The following ADCY7 variants were observed in gnomAD, a reference collection of about 807,000 sequenced individuals.
ADCY7 encodes adenylate cyclase 7.
Under a neutral mutation model 120.6 loss-of-function variants are expected in ADCY7, and 72 were observed. That is an observed-to-expected ratio of 0.60 (90% CI 0.49 to 0.73). The LOEUF is 0.73. Ranked by LOEUF, ADCY7 falls within the 30% of genes least tolerant of loss-of-function variation. The pLI, the probability that ADCY7 is intolerant of heterozygous loss-of-function variation, is 0.00. For synonymous variants in ADCY7, 661 were observed against 628.0 expected, an observed-to-expected ratio of 1.05 and a Z score of -0.78; for missense variants, 1,227 against 1,486.0, an observed-to-expected ratio of 0.83 and a Z score of 2.87.
chr16:50,256,526 G>A (rs1280589598), intron 1 of ADCY7, among the ~76,000 whole-genome samples: 1 of 152,008 alleles, frequency 6.6e-6, no homozygotes. Context: ...AACATAGGGA[G>A]AACCCATCTC....
chr16:50,316,381 G>A lies in ADCY7; in HGVS notation c.*876G>A, dbSNP rs561788535. ...GAGAGGTGCTTTGAAAGTAAGGTGCGGCCTTTCACCTCTTCCTTGATTACT... is the reference window on the plus strand; with the variant it reads ...GAGAGGTGCTTTGAAAGTAAGGTGCAGCCTTTCACCTCTTCCTTGATTACT... On this transcript the variant is annotated 3_prime_UTR_variant, in exon 26 of 26. Transcript: ENST00000673801. The A allele has an allele frequency of 6.6e-6, 1 of 152,408 alleles. No individual in the cohort carries two copies. The highest frequency in any genetic ancestry group is 2.1e-4 in the South Asian group (1 of 4,822). 9.4% of individuals were successfully genotyped at this position (152,408 alleles called of 1,614,324 possible). A position where few individuals can be genotyped will look rare whatever the true frequency, so the allele number is the denominator to read the frequency against.
rs981119709 is a variant in ADCY7 at position 50,290,346 on chromosome 16, C to T, written c.172-111C>T. 4.2e-5 allele frequency: 51 copies of T among 1,203,630 alleles called. No homozygotes were observed. The Admixed American group carries it at 5.7e-4, about 13-fold the overall frequency. 74.6% of individuals were successfully genotyped at this position (1,203,630 alleles called of 1,614,324 possible). A position where few individuals can be genotyped will look rare whatever the true frequency, so the allele number is the denominator to read the frequency against. On this transcript the variant is annotated intron_variant, in intron 2 of 25. Coordinates refer to ENST00000673801, the MANE Select transcript of ADCY7 (RefSeq NM_001114.5). ...CAGGTGTGGGAGGGTGCATCCACACCCTTCACGTGGAGGAAGCTGTAAGTG... is the reference window on the plus strand; with the variant it reads ...CAGGTGTGGGAGGGTGCATCCACACTCTTCACGTGGAGGAAGCTGTAAGTG...
At chr16:50,295,631 C>A (rs938858014) in intron 7 of ADCY7, among the ~76,000 whole-genome samples, 4 of 151,958 alleles carry the variant, frequency 2.6e-5, no homozygotes, top group Non-Finnish European at 4.4e-5. Flanking sequence ...GCTCAGTGTG[C>A]GTGTGAGGTG....
At chr16:50,263,954 C>T (rs767193164), upstream of ADCY7, among the ~76,000 whole-genome samples, 1 of 152,192 alleles carries the variant, frequency 6.6e-6, no homozygotes, top group East Asian at 1.9e-4. Context: ...CATACGCAAA[C>T]GGGTATCCCT....
intron 1 of ADCY7, among the ~76,000 whole-genome samples, chr16:50,246,428 C>CGT (rs2032589111): frequency 6.6e-6 from 1 of 151,956 alleles, no homozygotes; most frequent in Non-Finnish European, 1.5e-5. Flanking sequence ...CGACCTCCTC[C>CGT]CTTAGGCACG....
chr16:50,264,426 C>T (rs933362687), upstream of ADCY7, among the ~76,000 whole-genome samples: 3 of 152,234 alleles, frequency 2.0e-5, no homozygotes, highest in Non-Finnish European at 4.4e-5. Context: ...CTTCTCTGAA[C>T]ACTTGGATAG....
rs150446281 is a variant in ADCY7, at chr16:50,312,066, T to A, written c.2479T>A (p.Trp827Arg). The part of the protein sequence containing the change: ...IDYYCRLDCL[W>R]KKKFKKEHEE... ...CTATTACTGCCGCTTGGACTGCCTA[T>A]GGAAGAAGAAGTTCAAGAAGGAGCA... The change falls in exon 21 of 26, where the codon TGG (tryptophan) becomes AGG (arginine). Residue 827 changes from tryptophan to arginine, a missense_variant. This residue lies in a region of ADCY7 where 267 missense variants were observed against 270.0 expected (regional missense o/e 0.99). Transcript: ENST00000673801. 3 of 1,614,102 alleles carry A rather than the reference T, an allele frequency of 1.9e-6. No homozygotes were observed. In the African/African-American group the frequency reaches 4.0e-5, roughly 22 times the overall value.
upstream of ADCY7, among the ~76,000 whole-genome samples, chr16:50,263,970 C>A (rs893469144): frequency 1.3e-5 from 2 of 152,160 alleles, no homozygotes; most frequent in Non-Finnish European, 2.9e-5. Context: ...TCCCTCAATA[C>A]CCATTTAAAA....
At chr16:50,283,647 A>C (rs2034412034) in intron 1 of ADCY7, among the ~76,000 whole-genome samples, 1 of 152,166 alleles carries the variant, frequency 6.6e-6, no homozygotes, top group Admixed American at 6.5e-5. Context: ...CCTCTTCTTT[A>C]AAATGGGGCT....
rs1017546691 is a variant in ADCY7, at chr16:50,300,882, G to A, written c.1235+9G>A. 2 of 1,554,176 alleles carry A rather than the reference G, an allele frequency of 1.3e-6. No homozygotes were observed. The highest frequency in any genetic ancestry group is 2.4e-5 in the South Asian group (2 of 84,306). ...GCAGCCGGAGTACCCGGGTGAGGCTGGGCTGGGTAGCCGCAGGGACAGAGG... is the reference window on the plus strand; with the variant it reads ...GCAGCCGGAGTACCCGGGTGAGGCTAGGCTGGGTAGCCGCAGGGACAGAGG... On this transcript the variant is annotated intron_variant, in intron 9 of 25. Transcript: ENST00000673801.
chr16:50,275,777 C>T (rs536455875), intron 1 of ADCY7, among the ~76,000 whole-genome samples: 109 of 152,272 alleles, frequency 7.2e-4, no homozygotes, highest in African/African-American at 2.6e-3. Flanking sequence ...TGGAGAGGGG[C>T]AGGCCTGGGT....
Position 50,288,201 on chromosome 16 carries a change from TTCC to T in ADCY7, c.25_27del (p.Leu9del), listed in dbSNP as rs764318741. Reference sequence around the variant, plus strand: ...GAGGATGCCAGCCAAGGGGCGCTACTTCCTCAACGAGGGCGAGGAGGGCCCTGA... The same window carrying T: ...GAGGATGCCAGCCAAGGGGCGCTACTTCAACGAGGGCGAGGAGGGCCCTGA... On this transcript the variant is annotated inframe_deletion, in exon 2 of 26. Transcript: ENST00000673801. The T allele has an allele frequency of 3.2e-6, 5 of 1,550,764 alleles. No homozygotes were observed. The highest frequency in any genetic ancestry group is 4.4e-6 in the Non-Finnish European group (5 of 1,146,634).
chr16:50,287,019 AT>A (rs71138057), intron 1 of ADCY7, among the ~76,000 whole-genome samples: 90,938 of 144,216 alleles, frequency 0.63, 28,937 homozygotes, highest in Middle Eastern at 0.72. Flanking sequence ...TGGGTATTTG[AT>A]TTTTTTTTTT....
rs1449819056 is a variant in ADCY7, at chr16:50,257,339, TAGAG to T, written c.-64+11141_-64+11144del. ...GGGGCAGGGGTGGGATGGGGAGAGA[TAGAG>T]AGAGGTCAGTCAAAGGATACAAAGT... On this transcript the variant is annotated intron_variant, in intron 1 of 4. Coordinates refer to the ADCY7 transcript ENST00000564044. Among the ~76,000 whole-genome samples the T allele has an allele frequency of 2.6e-5, 4 of 152,010 alleles. No homozygotes were observed. In the East Asian group the frequency reaches 5.8e-4, roughly 22 times the overall value.
chr16:50,313,858 C>A, intron 22 of ADCY7, 100 bp from the exon 23 acceptor site: 1 of 904,492 alleles, frequency 1.1e-6, no homozygotes, highest in Non-Finnish European at 1.8e-6. Context: ...CGAGAGGCGG[C>A]GATGGGTGGA....
chr16:50,273,198 A>C (rs1289370561), intron 1 of ADCY7, among the ~76,000 whole-genome samples: 1 of 152,032 alleles, frequency 6.6e-6, no homozygotes, highest in Non-Finnish European at 1.5e-5. Flanking sequence ...GCCCCTGAGA[A>C]CTGGTATTGT....
intron 1 of ADCY7, among the ~76,000 whole-genome samples, chr16:50,247,608 G>C (rs866134417): frequency 7.1e-6 from 1 of 139,992 alleles, no homozygotes; most frequent in Non-Finnish European, 1.5e-5. Context: ...TTGAACTCCC[G>C]GGCTCAAGTG....
chr16:50,295,345 A>ATTTTTTTTTTTTTT lies in ADCY7; in HGVS notation c.948+611_948+624dup, dbSNP rs67137852. Among the ~76,000 whole-genome samples the ATTTTTTTTTTTTTT allele has an allele frequency of 4.6e-4, 38 of 82,746 alleles. 2 individuals carry two copies. Among genetic ancestry groups the ATTTTTTTTTTTTTT allele is most frequent in the Middle Eastern group, 0.011 (1 of 88 alleles). The allele number at this position is 82,746 out of a possible 152,430, so 54.3% of individuals were successfully genotyped here. ...AGGCATGCACCACCACGCCTGGCTA[A>ATTTTTTTTTTTTTT]TTTTTTTTTTTTTTTTTTTTTTTTT... On this transcript the variant is annotated intron_variant, in intron 7 of 25. Coordinates refer to ENST00000673801, the MANE Select transcript of ADCY7 (RefSeq NM_001114.5).
Position 50,304,581 on chromosome 16 carries a change from G to C in ADCY7, c.1560+30G>C, listed in dbSNP as rs111789659. ...GTCCCCCTCCCACCCAGAAAGCCAG[G>C]GATTGGGGCCCCAAGCCAGGAGCAG... On this transcript the variant is annotated intron_variant, in intron 11 of 25. Transcript: ENST00000673801. 8 of 1,517,338 alleles carry C rather than the reference G, an allele frequency of 5.3e-6. No individual in the cohort carries two copies. The African/African-American group carries it at 9.7e-5, about 18-fold the overall frequency. The allele number at this position is 1,517,338 out of a possible 1,614,324, so 94.0% of individuals were successfully genotyped here. A position where few individuals can be genotyped will look rare whatever the true frequency, so the allele number is the denominator to read the frequency against.
Sources: gnomAD v4.1 joint callset for allele counts (sites outside exome capture counted in the v4.1 genomes callset) on GRCh38, gnomAD v4.1.1 for gene constraint, gnomAD v4.1.1 regional missense constraint, MANE v1.5 for transcripts, NCBI Gene and HGNC (gene_info 2026-07-23, HGNC 2026-07-21) for gene names.